UBXN2B: variants seen among roughly 807,000 people sequenced by gnomAD.
UBXN2B encodes UBX domain-containing protein 2B.
Under a neutral mutation model 37.5 loss-of-function variants are expected in UBXN2B, and 19 were observed. That is an observed-to-expected ratio of 0.51 (90% CI 0.35 to 0.74). The LOEUF (loss-of-function observed/expected upper bound fraction) is 0.74. UBXN2B is among the 30% of genes least tolerant of loss of function. UBXN2B has a pLI of 0.01. For synonymous variants in UBXN2B, 145 were observed against 143.8 expected (o/e 1.01, Z -0.06); for missense variants, 370 against 393.2 (o/e 0.94, Z 0.50).
At chr8:58,414,767 G>A (rs1215845877) in intron 1 of UBXN2B, among the ~76,000 whole-genome samples, 2 of 151,952 alleles carry the variant, frequency 1.3e-5, no homozygotes, top group Non-Finnish European at 2.9e-5. Flanking sequence ...ATGATGTACC[G>A]TTAATAACTA....
At position 58,448,779 on chromosome 8, in the gene UBXN2B, C is replaced by T. The variant is rs528362067; in HGVS notation, c.*1228C>T. 6.6e-6 allele frequency: 1 copy of T among 152,610 alleles called. No individual in the cohort carries two copies. The highest frequency in any genetic ancestry group is 2.4e-5 in the African/African-American group (1 of 41,512). 9.5% of individuals were successfully genotyped at this position (152,610 alleles called of 1,614,324 possible). A position where few individuals can be genotyped will look rare whatever the true frequency, so the allele number is the denominator to read the frequency against. ...AGAAGCTTTTCCTTCTTCCTAGACACCATTTCATCCTTAATTATTACTTCT... is the reference window on the plus strand; with the variant it reads ...AGAAGCTTTTCCTTCTTCCTAGACATCATTTCATCCTTAATTATTACTTCT... On this transcript the variant is annotated 3_prime_UTR_variant, in exon 8 of 8. Coordinates refer to ENST00000399598, the MANE Select transcript of UBXN2B (RefSeq NM_001077619.2).
intron 3 of UBXN2B, among the ~76,000 whole-genome samples, chr8:58,432,701 T>C (rs141953500): frequency 6.6e-6 from 1 of 152,296 alleles, no homozygotes; most frequent in East Asian, 1.9e-4. Context: ...TGTTACCAAC[T>C]GACACAATAT....
At position 58,416,864 on chromosome 8, in the gene UBXN2B, A is replaced by G; in HGVS notation, c.99A>G (p.Glu33=). Residue 33 remains glutamate, a synonymous_variant, in exon 2 of 8, where the codon GAA becomes GAG. Coordinates refer to ENST00000399598, the MANE Select transcript of UBXN2B (RefSeq NM_001077619.2). ...SARDLQLALA[E]LYEDEVKCKS... Reference sequence around the variant, plus strand: ...TTATTATGTAGTTGGCCTTGGCAGAATTGTATGAAGATGAAGTGAAGTGCA... The same window carrying G: ...TTATTATGTAGTTGGCCTTGGCAGAGTTGTATGAAGATGAAGTGAAGTGCA... 6.2e-7 allele frequency: 1 copy of G among 1,612,152 alleles called. No individual in the cohort carries two copies. The highest frequency in any genetic ancestry group is 8.5e-7 in the Non-Finnish European group (1 of 1,178,718).
Position 58,446,112 on chromosome 8 carries a change from CTGGAT to C in UBXN2B, c.833+47_833+51del, listed in dbSNP as rs779606134. 2.0e-6 allele frequency: 3 copies of C among 1,532,894 alleles called. No individual in the cohort carries two copies. The Admixed American group carries it at 5.9e-5, about 30-fold the overall frequency. 95.0% of individuals were successfully genotyped at this position (1,532,894 alleles called of 1,614,324 possible). A position where few individuals can be genotyped will look rare whatever the true frequency, so the allele number is the denominator to read the frequency against. ...AGTGTCCTGTTTGCTGTTATATACA[CTGGAT>C]TGCTTATCTAAGTAGAACTGTATGT... On this transcript the variant is annotated intron_variant, in intron 7 of 7. Transcript: ENST00000399598.
At chr8:58,416,827 G>C (rs1563455843) in intron 1 of UBXN2B, 23 bp from the exon 2 acceptor site, 1 of 1,600,358 alleles carries the variant, frequency 6.2e-7, no homozygotes, top group Admixed American at 1.7e-5. Context: ...GTTATACTTT[G>C]TAACAAGCCT....
chr8:58,441,440 A>G (rs1211765924), intron 6 of UBXN2B, among the ~76,000 whole-genome samples: 1 of 149,892 alleles, frequency 6.7e-6, no homozygotes, highest in Non-Finnish European at 1.5e-5. Flanking sequence ...ATCACTTCCC[A>G]TTTTTACTTA....
In UBXN2B at chr8:58,451,042, A is replaced by G. The variant is rs1289107090; in HGVS notation, c.*3491A>G. 1.3e-5 allele frequency: 2 copies of G among 152,646 alleles called. No individual in the cohort carries two copies. Among genetic ancestry groups the G allele is most frequent in the East Asian group, 1.9e-4 (1 of 5,204 alleles). The allele number at this position is 152,646 out of a possible 1,614,324, so 9.5% of individuals were successfully genotyped here. ...AACAACTTTTTCATGGGTCAAAATC[A>G]TCTTCCGAAGAAAATGATTTCTTAA... On this transcript the variant is annotated 3_prime_UTR_variant, in exon 8 of 8. Transcript: ENST00000399598.
At chr8:58,427,338 C>T (rs187518210) in intron 2 of UBXN2B, among the ~76,000 whole-genome samples, 44 of 152,280 alleles carry the variant, frequency 2.9e-4, no homozygotes, top group African/African-American at 1.0e-3. Flanking sequence ...TGGTGCACGC[C>T]TGTAGTCCCA....
At chr8:58,423,348 A>G (rs1257784824) in intron 2 of UBXN2B, among the ~76,000 whole-genome samples, 1 of 152,072 alleles carries the variant, frequency 6.6e-6, no homozygotes, top group African/African-American at 2.4e-5. Flanking sequence ...TGCTGACCAT[A>G]TGAGTGGCCA....
chr8:58,430,602 A>G lies in UBXN2B; in HGVS notation c.272A>G (p.Glu91Gly). 6.9e-6 allele frequency: 11 copies of G among 1,605,308 alleles called. No homozygotes were observed. Among genetic ancestry groups the G allele is most frequent in the Non-Finnish European group, 9.4e-6 (11 of 1,175,006 alleles). ...TGKIVNELFKEAREHGAVPLN... is the reference protein window; with the variant it reads ...TGKIVNELFKGAREHGAVPLN... Reference sequence around the variant, plus strand: ...AAAATTGTGAATGAACTTTTCAAAGAGGCAAGGGAACATGGGGCTGTCCCT... The same window carrying G: ...AAAATTGTGAATGAACTTTTCAAAGGGGCAAGGGAACATGGGGCTGTCCCT... The change falls in exon 3 of 8, where the codon GAG (glutamate) becomes GGG (glycine). Residue 91 changes from glutamate (E) to glycine (G), a missense_variant. Coordinates refer to ENST00000399598, the MANE Select transcript of UBXN2B (RefSeq NM_001077619.2).
Position 58,439,279 on chromosome 8 carries a change from C to T in UBXN2B, c.534-354C>T, listed in dbSNP as rs191024732. Among the ~76,000 whole-genome samples, 335 of 152,264 alleles carry T rather than the reference C, an allele frequency of 2.2e-3. 2 individuals carry two copies. Among genetic ancestry groups the T allele is most frequent in the African/African-American group, 7.5e-3 (311 of 41,542 alleles). ...CCATATCAATTTTCAGAACTTTCTC[C>T]GAGGAGTTTATTAATAAATATCCAC... On this transcript the variant is annotated intron_variant, in intron 5 of 7. Coordinates refer to ENST00000399598, the MANE Select transcript of UBXN2B (RefSeq NM_001077619.2).
At position 58,439,766 on chromosome 8, in the gene UBXN2B, G is replaced by A; in HGVS notation, c.667G>A (p.Gly223Arg). 1 of 1,590,272 alleles carries A rather than the reference G, an allele frequency of 6.3e-7. No individual in the cohort carries two copies. The highest frequency in any genetic ancestry group is 2.3e-5 in the East Asian group (1 of 44,236). ...KAFSGEGQKL[G>R]SLTPEIVSTP... ...TTTTAGTGGAGAAGGGCAAAAACTT[G>A]GAAGGTAAAAATCCTAAAATGAGAA... Residue 223 changes from glycine (G) to arginine (R), a missense_variant, in exon 6 of 8, where the codon GGA (glycine) becomes AGA (arginine). This residue lies in a region of UBXN2B where 90 missense variants were observed against 139.4 expected (regional missense o/e 0.65). Transcript: ENST00000399598.
At chr8:58,435,097 G>A in intron 5 of UBXN2B, 8 of 1,421,224 alleles carry the variant, frequency 5.6e-6, no homozygotes, top group African/African-American at 1.4e-5. Context: ...TCTGTGTTAT[G>A]ATTAAACTAG....
intron 5 of UBXN2B, chr8:58,435,095 A>C: frequency 7.0e-7 from 1 of 1,426,590 alleles, no homozygotes; most frequent in Admixed American, 2.8e-5. Flanking sequence ...TTTCTGTGTT[A>C]TGATTAAACT....
Position 58,447,868 on chromosome 8 carries a change from T to A in UBXN2B, c.*317T>A, listed in dbSNP as rs997321480. 1 of 186,440 alleles carries A rather than the reference T, an allele frequency of 5.4e-6. No individual in the cohort carries two copies. The highest frequency in any genetic ancestry group is 2.3e-5 in the African/African-American group (1 of 42,844). The allele number at this position is 186,440 out of a possible 1,614,324, so 11.5% of individuals were successfully genotyped here. On this transcript the variant is annotated 3_prime_UTR_variant, in exon 8 of 8. Coordinates refer to ENST00000399598, the MANE Select transcript of UBXN2B (RefSeq NM_001077619.2). ...TGCAGAGAAAAATGAACAAAACCCC[T>A]TTTTGATAAATGCATTTGGTAAAAT...
At chr8:58,424,757 C>A in intron 2 of UBXN2B, 1 of 1,426,100 alleles carries the variant, frequency 7.0e-7, no homozygotes, top group South Asian at 1.1e-5. Flanking sequence ...TATTCATGAC[C>A]TTTCCTCTTG....
intron 6 of UBXN2B, among the ~76,000 whole-genome samples, chr8:58,443,839 A>T (rs1210793455): frequency 2.0e-5 from 3 of 152,096 alleles, no homozygotes; most frequent in African/African-American, 7.2e-5. Context: ...AAATTAATTA[A>T]CATAACTTTT....
At chr8:58,425,601 CTGT>C in intron 2 of UBXN2B, 4 of 1,069,042 alleles carry the variant, frequency 3.7e-6, no homozygotes, top group East Asian at 2.4e-5. Flanking sequence ...GTATGCACTC[CTGT>C]TGTTGTAGTG....
intron 4 of UBXN2B, 65 bp downstream of exon 4, chr8:58,433,308 T>A: frequency 7.4e-7 from 1 of 1,345,640 alleles, no homozygotes; most frequent in East Asian, 2.4e-5. Context: ...ACTGTTGGTT[T>A]TAAAATTAAG....
Sources: allele counts gnomAD v4.1 joint callset (sites outside exome capture counted in the v4.1 genomes callset), GRCh38; gene constraint gnomAD v4.1.1; regional missense constraint gnomAD v4.1.1; transcripts MANE v1.5; gene names NCBI Gene and HGNC (gene_info 2026-07-23, HGNC 2026-07-21).